Variants in KIF18A observed in about 807,000 individuals in gnomAD.
The protein encoded by KIF18A is kinesin family member 18A, also known as kinesin-like protein KIF18A.
A neutral mutation model predicts 103.3 loss-of-function variants in KIF18A; 67 were observed. The ratio of observed to expected loss-of-function variants is 0.65; its 90% CI spans 0.53 to 0.79. KIF18A has a LOEUF of 0.79. KIF18A is among the 30% of genes least tolerant of loss of function. The pLI is 0.00. For synonymous variants in KIF18A, 367 were observed against 355.5 expected, an observed-to-expected ratio of 1.03 and a Z score of -0.36; for missense variants, 1,032 against 1,062.5, an observed-to-expected ratio of 0.97 and a Z score of 0.40.
chr11:28,022,025 T>G (rs1323766854), intron 16 of KIF18A, among the ~76,000 whole-genome samples: 1 of 152,230 alleles, frequency 6.6e-6, no homozygotes, highest in Admixed American at 6.5e-5. Context: ...GTTTCTTTAT[T>G]TGTACATTGT....
At chr11:28,045,680 G>T (rs535661392) in intron 13 of KIF18A, among the ~76,000 whole-genome samples, 1 of 152,144 alleles carries the variant, frequency 6.6e-6, no homozygotes, top group Admixed American at 6.6e-5. Context: ...TGGCGGTGTT[G>T]TAAGTGAGCT....
chr11:28,068,402 C>T (rs542305606), intron 11 of KIF18A, among the ~76,000 whole-genome samples: 6 of 142,792 alleles, frequency 4.2e-5, no homozygotes, highest in Admixed American at 1.5e-4. Flanking sequence ...CAAACCTGCA[C>T]ATTCTGCATA....
At chr11:28,026,366 C>A (rs1251297186) in intron 15 of KIF18A, among the ~76,000 whole-genome samples, 1 of 151,434 alleles carries the variant, frequency 6.6e-6, no homozygotes, top group Non-Finnish European at 1.5e-5. Flanking sequence ...ATGGAAAATA[C>A]CACAGTTTAT....
intron 13 of KIF18A, among the ~76,000 whole-genome samples, chr11:28,044,687 A>C (rs928873947): frequency 1.3e-5 from 2 of 152,128 alleles, no homozygotes; most frequent in African/African-American, 4.8e-5. Flanking sequence ...AAGTTTTAGA[A>C]GCCTCTCAAA....
chr11:28,035,344 CTTATA>C (rs748466286), intron 15 of KIF18A, 38 bp downstream of exon 15: 35 of 1,007,246 alleles, frequency 3.5e-5, no homozygotes, highest in East Asian at 7.8e-5. Context: ...TAAAGATTAT[CTTATA>C]TAACTACAGA....
In KIF18A at chr11:28,078,555, C is replaced by T. The variant is rs1851124404; in HGVS notation, c.1263-1386G>A. The stretch of plus-strand genomic sequence containing the variant: ...CCTTAACAACACCAAAAAAAGCTAT[C>T]GTTTTAAAACTGAAAGAGTTCTAAG... On this transcript the variant is annotated intron_variant, in intron 9 of 16. Transcript: ENST00000263181. Among the ~76,000 whole-genome samples, 3 of 152,012 alleles carry T rather than the reference C, an allele frequency of 2.0e-5. No individual in the cohort carries two copies. The South Asian group carries it at 6.2e-4, about 31-fold the overall frequency.
rs529532791 is a variant in KIF18A at position 28,098,279 on chromosome 11, T to A, written c.-46-286A>T. Among the ~76,000 whole-genome samples the A allele has an allele frequency of 2.6e-5, 4 of 152,318 alleles. No individual in the cohort carries two copies. The East Asian group carries it at 7.7e-4, about 29-fold the overall frequency. On this transcript the variant is annotated intron_variant, in intron 1 of 16. Coordinates refer to ENST00000263181, the MANE Select transcript of KIF18A (RefSeq NM_031217.4). The stretch of plus-strand genomic sequence containing the variant: ...CTTTACCTGAAATATTAGTAGGATA[T>A]TTGGCTTAAACTCAAATACTATAGC...
chr11:28,032,106 G>GAA (rs34227456), intron 15 of KIF18A, among the ~76,000 whole-genome samples: 43,317 of 148,804 alleles, frequency 0.29, 7,078 homozygotes, highest in African/African-American at 0.44. Flanking sequence ...GAAATAATTT[G>GAA]AAAAAAAAAG....
At chr11:28,081,852 T>C (rs1304922505) in intron 9 of KIF18A, among the ~76,000 whole-genome samples, 1 of 152,160 alleles carries the variant, frequency 6.6e-6, no homozygotes, top group African/African-American at 2.4e-5. Context: ...CCATTGTAGA[T>C]GCCATTAAGA....
At chr11:28,026,427 G>A (rs1433681458) in intron 15 of KIF18A, among the ~76,000 whole-genome samples, 1 of 151,438 alleles carries the variant, frequency 6.6e-6, no homozygotes, top group Non-Finnish European at 1.5e-5. Flanking sequence ...ATTAAAAAAA[G>A]TAATCATGTA....
intron 9 of KIF18A, among the ~76,000 whole-genome samples, chr11:28,078,980 ACTT>A (rs1851128558): frequency 6.6e-6 from 1 of 152,086 alleles, no homozygotes; most frequent in Non-Finnish European, 1.5e-5. Flanking sequence ...TTTATCATTA[ACTT>A]CTTCATAAAT....
At chr11:28,062,289 T>A (rs942565973) in intron 12 of KIF18A, 106 bp downstream of exon 12, 10 of 933,800 alleles carry the variant, frequency 1.1e-5, no homozygotes, top group Admixed American at 2.9e-5. Context: ...TTAAAAATAA[T>A]GTATCCTGTA....
chr11:28,100,207 A>C (rs550185692), intron 1 of KIF18A, among the ~76,000 whole-genome samples: 1 of 152,170 alleles, frequency 6.6e-6, no homozygotes, highest in South Asian at 2.1e-4. Context: ...AGATCAGTTC[A>C]GTTTTGGATA....
chr11:28,026,824 T>C (rs374227107), intron 15 of KIF18A, among the ~76,000 whole-genome samples: 103 of 151,884 alleles, frequency 6.8e-4, no homozygotes, highest in African/African-American at 2.3e-3. Context: ...TGCAAATTAG[T>C]GATAAAAGTA....
rs190421069 is a variant in KIF18A at position 28,072,425 on chromosome 11, G to A, written c.1426-3002C>T. Among the ~76,000 whole-genome samples, 19 of 152,268 alleles carry A rather than the reference G, an allele frequency of 1.2e-4. No homozygotes were observed. The East Asian group carries it at 3.5e-3, about 28-fold the overall frequency. ...CAGAACTATTTATAGCTGAATCGAT[G>A]TTATGAGATTCTTTCAGCACTTCTG... On this transcript the variant is annotated intron_variant, in intron 10 of 16. Transcript: ENST00000263181.
intron 11 of KIF18A, among the ~76,000 whole-genome samples, chr11:28,069,018 C>A (rs1590692957): frequency 6.6e-6 from 1 of 152,242 alleles, no homozygotes; most frequent in East Asian, 1.9e-4. Context: ...AGATTTCAAA[C>A]AAATTACCTA....
At chr11:28,080,985 A>G (rs750890512) in intron 9 of KIF18A, among the ~76,000 whole-genome samples, 2 of 152,240 alleles carry the variant, frequency 1.3e-5, no homozygotes, top group African/African-American at 2.4e-5. Context: ...TAAACTAGCT[A>G]TCACATTTCT....
rs1266719277 is a variant in KIF18A at position 28,098,241 on chromosome 11, ACG to A, written c.-46-250_-46-249del. ...AAATGGCACATACGTACACACAACT[ACG>A]ATAAAAATCTCTTTACCTGAAATAT... On this transcript the variant is annotated intron_variant, in intron 1 of 16. Coordinates refer to ENST00000263181, the MANE Select transcript of KIF18A (RefSeq NM_031217.4). 1.3e-4 allele frequency among the ~76,000 whole-genome samples: 20 copies of A among 152,104 alleles called. 1 individual carries two copies. The highest frequency in any genetic ancestry group is 4.6e-4 in the Admixed American group (7 of 15,256).
intron 8 of KIF18A, 56 bp downstream of exon 8, chr11:28,083,113 A>C (rs573418761): frequency 1.9e-6 from 3 of 1,551,950 alleles, no homozygotes; most frequent in Non-Finnish European, 2.6e-6. Context: ...TAAGATTATA[A>C]AATTCTATAA....
Sources: gnomAD v4.1 joint callset for allele counts (sites outside exome capture counted in the v4.1 genomes callset) on GRCh38, gnomAD v4.1.1 for gene constraint, MANE v1.5 for transcripts, NCBI Gene and HGNC (gene_info 2026-07-23, HGNC 2026-07-21) for gene names.